Variants in KCTD10 observed in about 807,000 individuals in gnomAD.
The protein encoded by KCTD10 is potassium channel tetramerization domain containing 10, also known as BTB/POZ domain-containing adapter for CUL3-mediated RhoA degradation protein 3.
In KCTD10, 13 loss-of-function variants were observed where a neutral mutation model predicts 34.6. That is an observed-to-expected ratio of 0.38 (90% CI 0.24 to 0.60). KCTD10 has a LOEUF of 0.60. Among genes scored for constraint, KCTD10 ranks in the 20% least tolerant of loss-of-function variants. The probability of loss-of-function intolerance (pLI) is 0.66; values close to 1 mark genes in which losing one functional copy is unlikely to be tolerated. For missense variants in KCTD10, 256 were observed against 420.3 expected (o/e 0.61, Z 3.42); for synonymous variants, 156 against 168.8 (o/e 0.92, Z 0.59).
rs1872728136 is a variant in KCTD10, at chr12:109,450,690, G to A, written c.*905C>T. The A allele has an allele frequency of 4.0e-6, 1 of 249,572 alleles. No homozygotes were observed. Among genetic ancestry groups the A allele is most frequent in the African/African-American group, 2.2e-5 (1 of 44,746 alleles). The allele number at this position is 249,572 out of a possible 1,614,324, so 15.5% of individuals were successfully genotyped here. A position where few individuals can be genotyped will look rare whatever the true frequency, so the allele number is the denominator to read the frequency against. On this transcript the variant is annotated 3_prime_UTR_variant, in exon 7 of 7. Coordinates refer to ENST00000228495, the MANE Select transcript of KCTD10 (RefSeq NM_031954.5). ...TCATGGGGAAGGAGGCTGAAGAGGA[G>A]CGGGATCCCAGGGAGGGGTAGTTTA...
chr12:109,464,277 C>G (rs2135665489), intron 2 of KCTD10, among the ~76,000 whole-genome samples: 1 of 152,288 alleles, frequency 6.6e-6, no homozygotes, highest in African/African-American at 2.4e-5. Flanking sequence ...ATCCCTAGGG[C>G]AGGGTCTCCA....
chr12:109,473,625 A>G (rs562981874), intron 1 of KCTD10, among the ~76,000 whole-genome samples: 1 of 152,110 alleles, frequency 6.6e-6, no homozygotes, highest in Non-Finnish European at 1.5e-5. Context: ...AGTCAACCTA[A>G]TAGTAGGCAA....
chr12:109,459,501 C>G (rs1002804568), intron 3 of KCTD10: 1 of 152,228 alleles, frequency 6.6e-6, no homozygotes, highest in Non-Finnish European at 1.5e-5. Flanking sequence ...CTAACTCTGG[C>G]AAACTTAAAG....
At chr12:109,463,366 A>T (rs925123336) in intron 2 of KCTD10, among the ~76,000 whole-genome samples, 1 of 152,242 alleles carries the variant, frequency 6.6e-6, no homozygotes, top group Non-Finnish European at 1.5e-5. Context: ...CAAGGGAGCC[A>T]GGCACACTCT....
chr12:109,469,401 A>G (rs1873760882), intron 2 of KCTD10, 114 bp downstream of exon 2: 5 of 1,286,388 alleles, frequency 3.9e-6, no homozygotes, highest in South Asian at 2.9e-5. Context: ...GGAGTCCCCA[A>G]CAAGCTGCCT....
Position 109,451,780 on chromosome 12 carries a change from T to TCTC in KCTD10, c.754_756dup (p.Glu252dup). 6.2e-7 allele frequency: 1 copy of TCTC among 1,613,856 alleles called. No individual in the cohort carries two copies. Among genetic ancestry groups the TCTC allele is most frequent in the East Asian group, 2.2e-5 (1 of 44,866 alleles). Reference sequence around the variant, plus strand: ...GCCTCATACAGCAAAATGTTCAGGGTCTCCTCATAAATCCGGGCTTCGGGA... The same window carrying TCTC: ...GCCTCATACAGCAAAATGTTCAGGGTCTCCTCCTCATAAATCCGGGCTTCGGGA... On this transcript the variant is annotated inframe_insertion, in exon 7 of 7. Coordinates refer to ENST00000228495, the MANE Select transcript of KCTD10 (RefSeq NM_031954.5). The surrounding 1 kb of genome is among the most constrained non-coding windows in gnomAD (Gnocchi z 5.0).
intron 1 of KCTD10, among the ~76,000 whole-genome samples, chr12:109,472,672 T>C (rs997422915): frequency 3.9e-5 from 6 of 152,224 alleles, no homozygotes; most frequent in Admixed American, 1.3e-4. Context: ...AGTAGTTCTG[T>C]TTACACCAGC....
At chr12:109,469,245 T>C (rs1873752998) in intron 2 of KCTD10, 1 of 461,822 alleles carries the variant, frequency 2.2e-6, no homozygotes, top group African/African-American at 2.0e-5. Context: ...AGGACAAGGG[T>C]CCAGGGAAGA....
At position 109,457,658 on chromosome 12, in the gene KCTD10, T is replaced by G. The variant is rs753366775; in HGVS notation, c.499A>C (p.Arg167=). The G allele has an allele frequency of 1.2e-6, 2 of 1,614,154 alleles. No individual in the cohort carries two copies. Among genetic ancestry groups the G allele is most frequent in the South Asian group, 2.2e-5 (2 of 91,090 alleles). ...GTATATGAGTATTTGTTGTTACTTCTGTTGTAGAGCAACTTCACGGCTGGC... is the reference window on the plus strand; with the variant it reads ...GTATATGAGTATTTGTTGTTACTTCGGTTGTAGAGCAACTTCACGGCTGGC... The part of the protein sequence containing the change: ...NKPAVKLLYN[R]SNNKYSYTSN... Residue 167 remains arginine, a synonymous_variant, in exon 5 of 7, where the codon AGA becomes CGA. Transcript: ENST00000228495.
intron 1 of KCTD10, among the ~76,000 whole-genome samples, chr12:109,473,322 A>G (rs554243104): frequency 6.6e-6 from 1 of 151,384 alleles, no homozygotes; most frequent in Non-Finnish European, 1.5e-5. Flanking sequence ...TTGGAGTTAG[A>G]CCTGTGCATA....
Position 109,460,908 on chromosome 12 carries a change from G to T in KCTD10, c.218-103C>A. The T allele has an allele frequency of 8.4e-7, 1 of 1,190,532 alleles. No individual in the cohort carries two copies. 73.7% of individuals were successfully genotyped at this position (1,190,532 alleles called of 1,614,324 possible). A position where few individuals can be genotyped will look rare whatever the true frequency, so the allele number is the denominator to read the frequency against. ...TCGGCTCCCTCTACCTCCCAGCGGA[G>T]AGCGGGACTGCCTGGAGAATGGCAG... On this transcript the variant is annotated intron_variant, in intron 2 of 6. Transcript: ENST00000228495. The surrounding 1 kb of genome is among the most constrained non-coding windows in gnomAD (Gnocchi z 4.5).
chr12:109,473,985 T>C (rs1874023712), intron 1 of KCTD10, among the ~76,000 whole-genome samples: 2 of 152,138 alleles, frequency 1.3e-5, no homozygotes, highest in African/African-American at 4.8e-5. Context: ...TTCACCATGT[T>C]GGTCAGGCTG....
chr12:109,463,479 A>G (rs2050853319), intron 2 of KCTD10, among the ~76,000 whole-genome samples: 1 of 152,224 alleles, frequency 6.6e-6, no homozygotes. Context: ...GCACGTAGAA[A>G]GACAAATGGA....
Position 109,477,290 on chromosome 12 carries a change from A to G in KCTD10, c.-28T>C. ...AAAGTCGGAGGACGCAGGAGTCTCC[A>G]AACCCGGACTGAGAGAGGCAGGAAA... On this transcript the variant is annotated 5_prime_UTR_variant, in exon 1 of 7. Coordinates refer to ENST00000228495, the MANE Select transcript of KCTD10 (RefSeq NM_031954.5). 6.2e-7 allele frequency: 1 copy of G among 1,613,758 alleles called. No homozygotes were observed. The highest frequency in any genetic ancestry group is 8.5e-7 in the Non-Finnish European group (1 of 1,179,862).
Position 109,456,278 on chromosome 12 carries a change from A to G in KCTD10, c.563T>C (p.Leu188Pro), listed in dbSNP as rs1873013804. The G allele has an allele frequency of 2.5e-6, 4 of 1,614,106 alleles. No homozygotes were observed. The highest frequency in any genetic ancestry group is 1.3e-5 in the African/African-American group (1 of 74,930). The change falls in exon 6 of 7, where the codon CTG becomes CCG. Residue 188 changes from leucine to proline, a missense_variant. Transcript: ENST00000228495. ...AAAGCGCAGAGACAGCTTATCAAAC[A>G]GTTCAATGTTTTTCAACATATTGTC... The part of the protein sequence containing the change: ...SDDNMLKNIE[L>P]FDKLSLRFNG...
chr12:109,450,038 C>G lies in KCTD10; in HGVS notation c.*1557G>C. The stretch of plus-strand genomic sequence containing the variant: ...ACAAAATGAAGGCATACAACTGTCA[C>G]AGGCAGGGCAGTAAGTACAAAGTCT... On this transcript the variant is annotated 3_prime_UTR_variant, in exon 7 of 7. Transcript: ENST00000228495. The G allele has an allele frequency of 2.7e-6, 1 of 376,424 alleles. No homozygotes were observed. Among genetic ancestry groups the G allele is most frequent in the Non-Finnish European group, 4.7e-6 (1 of 212,466 alleles). The allele number at this position is 376,424 out of a possible 1,614,324, so 23.3% of individuals were successfully genotyped here. A position where few individuals can be genotyped will look rare whatever the true frequency, so the allele number is the denominator to read the frequency against.
chr12:109,456,505 T>C, intron 5 of KCTD10, 192 bp from the exon 6 acceptor site: 1 of 624,508 alleles, frequency 1.6e-6, no homozygotes, highest in Non-Finnish European at 2.9e-6. Context: ...AGAAATTAGG[T>C]AATTGCTCAA....
At chr12:109,476,404 AAAG>A (rs1874270364) in intron 1 of KCTD10, among the ~76,000 whole-genome samples, 1 of 152,196 alleles carries the variant, frequency 6.6e-6, no homozygotes, top group Admixed American at 6.5e-5. Flanking sequence ...AAGCAAGTAG[AAAG>A]AAGATCTGGG....
intron 6 of KCTD10, chr12:109,455,640 C>T (rs1245849463): frequency 6.1e-6 from 1 of 164,026 alleles, no homozygotes; most frequent in Non-Finnish European, 1.3e-5. Context: ...TTCCCTTAGA[C>T]ACGTTAAAGA....
Sources: gnomAD v4.1 joint callset for allele counts (sites outside exome capture counted in the v4.1 genomes callset) on GRCh38, gnomAD v4.1.1 for gene constraint, Gnocchi (gnomAD v3.1) non-coding constraint, MANE v1.5 for transcripts, NCBI Gene and HGNC (gene_info 2026-07-23, HGNC 2026-07-21) for gene names.